Variants in MCF2L2 observed in about 807,000 individuals in gnomAD.
MCF2L2 encodes the protein MCF.2 cell line derived transforming sequence-like 2.
A neutral mutation model predicts 150.2 loss-of-function variants in MCF2L2; 102 were observed. That is an observed-to-expected ratio of 0.68 (90% CI 0.58 to 0.80). The LOEUF is 0.80. Ranked by LOEUF, MCF2L2 falls within the 30% of genes least tolerant of loss-of-function variation. The pLI is 0.00. For missense variants in MCF2L2, 1,256 were observed against 1,372.8 expected (o/e 0.91, Z 1.34); for synonymous variants, 465 against 491.3 (o/e 0.95, Z 0.71).
At chr3:183,244,191 T>C (rs943204932) in intron 15 of MCF2L2, among the ~76,000 whole-genome samples, 1 of 142,066 alleles carries the variant, frequency 7.0e-6, no homozygotes, top group Non-Finnish European at 1.5e-5. Context: ...CCATTCCCAG[T>C]ACCAAAATCT....
chr3:183,228,048 A>ACACACACACACACACAC (rs1723413125), intron 18 of MCF2L2: 1 of 112,554 alleles, frequency 8.9e-6, no homozygotes, highest in Non-Finnish European at 1.9e-5. Flanking sequence ...CACACACACA[A>ACACACACACACACACAC]TGGTAATGAA....
At chr3:183,387,146 C>T (rs1287816054) in intron 2 of MCF2L2, among the ~76,000 whole-genome samples, 1 of 151,602 alleles carries the variant, frequency 6.6e-6, no homozygotes. Flanking sequence ...TGCCTGTAGT[C>T]TCAGTTAACT....
At chr3:183,385,584 G>A (rs1048226829) in intron 2 of MCF2L2, among the ~76,000 whole-genome samples, 1 of 152,152 alleles carries the variant, frequency 6.6e-6, no homozygotes, top group Admixed American at 6.5e-5. Context: ...GGAGCAAAGA[G>A]GGAGAGAAAG....
chr3:183,275,492 T>C (rs1231081014), intron 15 of MCF2L2, among the ~76,000 whole-genome samples: 2 of 152,272 alleles, frequency 1.3e-5, no homozygotes, highest in Non-Finnish European at 2.9e-5. Flanking sequence ...TTTTGCCTTT[T>C]CTCAAAGTTC....
At position 183,270,194 on chromosome 3, in the gene MCF2L2, A is replaced by G. The variant is rs1213975456; in HGVS notation, c.1862+6678T>C. On this transcript the variant is annotated intron_variant, in intron 15 of 29. Transcript: ENST00000328913. This position sits in a 1 kb window ranked among gnomAD's most constrained non-coding sequence, Gnocchi z 4.5. The stretch of plus-strand genomic sequence containing the variant: ...ACATCAAAACTCTGTTTGCCTTAGG[A>G]ACTCCTAATCCACTGGAGGGAGAAG... 1 of 1,614,196 alleles carries G rather than the reference A, an allele frequency of 6.2e-7. No homozygotes were observed. Among genetic ancestry groups the G allele is most frequent in the Admixed American group, 1.7e-5 (1 of 60,018 alleles).
intron 3 of MCF2L2, among the ~76,000 whole-genome samples, chr3:183,347,047 GA>G (rs1460252512): frequency 6.6e-6 from 1 of 152,060 alleles, no homozygotes; most frequent in Non-Finnish European, 1.5e-5. Flanking sequence ...CACAGAATTA[GA>G]AAAAACTACT....
intron 6 of MCF2L2, among the ~76,000 whole-genome samples, chr3:183,322,826 A>T (rs1332367985): frequency 6.6e-6 from 1 of 152,076 alleles, no homozygotes; most frequent in Admixed American, 6.5e-5. Flanking sequence ...GACACTATTT[A>T]AATGTAGCTT....
chr3:183,208,239 G>A (rs189449815), intron 22 of MCF2L2, among the ~76,000 whole-genome samples: 1 of 152,144 alleles, frequency 6.6e-6, no homozygotes, highest in Non-Finnish European at 1.5e-5. Flanking sequence ...TGGCTGCATT[G>A]CGGACCCATG....
intron 3 of MCF2L2, among the ~76,000 whole-genome samples, chr3:183,351,114 A>C (rs1004147112): frequency 2.0e-5 from 3 of 148,874 alleles, no homozygotes; most frequent in African/African-American, 7.4e-5. Flanking sequence ...TGTAAGTATA[A>C]GAGATTGAGG....
At chr3:183,200,195 C>T (rs1483587684) in intron 25 of MCF2L2, among the ~76,000 whole-genome samples, 8 of 152,178 alleles carry the variant, frequency 5.3e-5, no homozygotes, top group Admixed American at 1.3e-4. Flanking sequence ...TTTGAGGAAT[C>T]GCCACACTGT....
intron 25 of MCF2L2, among the ~76,000 whole-genome samples, chr3:183,196,715 T>G (rs972390862): frequency 1.3e-5 from 2 of 152,190 alleles, no homozygotes; most frequent in African/African-American, 4.8e-5. Context: ...GGATAAGTTA[T>G]GTAAAATTGA....
rs748010179 is a variant in MCF2L2 at position 183,338,782 on chromosome 3, A to C, written c.486+18T>G. The C allele has an allele frequency of 2.5e-6, 4 of 1,591,238 alleles. No individual in the cohort carries two copies. The highest frequency in any genetic ancestry group is 4.5e-5 in the East Asian group (2 of 44,414). Reference sequence around the variant, plus strand: ...AGAAGCCCTAACCAAATGAGACAAGATGAAAGGTCTTGCTTACCGGCACTT... The same window carrying C: ...AGAAGCCCTAACCAAATGAGACAAGCTGAAAGGTCTTGCTTACCGGCACTT... On this transcript the variant is annotated intron_variant, in intron 5 of 29. Transcript: ENST00000328913.
At chr3:183,272,730 T>C (rs940237909) in intron 15 of MCF2L2, 2 of 1,037,038 alleles carry the variant, frequency 1.9e-6, no homozygotes, top group African/African-American at 1.7e-5. Flanking sequence ...AACAAGCTTA[T>C]AATTAATTTT....
intron 27 of MCF2L2, among the ~76,000 whole-genome samples, chr3:183,186,491 C>T (rs1322676109): frequency 6.6e-6 from 1 of 152,102 alleles, no homozygotes; most frequent in African/African-American, 2.4e-5. Flanking sequence ...TTTGGGAGGC[C>T]GAGGCAAGCG....
At chr3:183,380,048 AATT>A (rs1046834345) in intron 2 of MCF2L2, among the ~76,000 whole-genome samples, 22 of 152,266 alleles carry the variant, frequency 1.4e-4, no homozygotes, top group African/African-American at 5.3e-4. Context: ...CCATGATTAT[AATT>A]ATTATTATTA....
At chr3:183,296,773 C>T (rs984185898) in intron 12 of MCF2L2, 7 of 551,414 alleles carry the variant, frequency 1.3e-5, no homozygotes, top group Admixed American at 3.2e-5. Flanking sequence ...AGAGAAATGA[C>T]TGATTTGAGT....
chr3:183,298,869 A>G (rs1728694500), intron 11 of MCF2L2: 1 of 152,356 alleles, frequency 6.6e-6, no homozygotes, highest in South Asian at 2.1e-4. Flanking sequence ...CAGCACACAG[A>G]GCAGGCTGCA....
chr3:183,385,266 T>A (rs1227123527), intron 2 of MCF2L2, among the ~76,000 whole-genome samples: 1 of 152,234 alleles, frequency 6.6e-6, no homozygotes, highest in Non-Finnish European at 1.5e-5. Flanking sequence ...CCACACTGTA[T>A]TTCTATTAAA....
At chr3:183,252,262 G>A (rs1576962482) in intron 15 of MCF2L2, among the ~76,000 whole-genome samples, 1 of 152,162 alleles carries the variant, frequency 6.6e-6, no homozygotes, top group East Asian at 1.9e-4. Flanking sequence ...TATGTCATTA[G>A]TGCTGTATTA....
Sources: allele counts gnomAD v4.1 joint callset (sites outside exome capture counted in the v4.1 genomes callset), GRCh38; gene constraint gnomAD v4.1.1; non-coding constraint Gnocchi (gnomAD v3.1); transcripts MANE v1.5; gene names NCBI Gene and HGNC (gene_info 2026-07-23, HGNC 2026-07-21).